The following DST variants were observed in gnomAD, a reference collection of about 807,000 sequenced individuals.
DST encodes the protein bullous pemphigoid antigen.
Under a neutral mutation model 875.2 loss-of-function variants are expected in DST, and 253 were observed. That is an observed-to-expected ratio of 0.29 (90% CI 0.26 to 0.32). The LOEUF (loss-of-function observed/expected upper bound fraction) is 0.32, where lower values mean the gene tolerates loss of function less well. DST is among the 10% of genes least tolerant of loss of function. The probability of loss-of-function intolerance (pLI) is 1.00; values close to 1 mark genes in which losing one functional copy is unlikely to be tolerated. For synonymous variants in DST, 3,124 were observed against 3,197.1 expected, an observed-to-expected ratio of 0.98 and a Z score of 0.77; for missense variants, 8,287 against 9,111.6, an observed-to-expected ratio of 0.91 and a Z score of 3.68.
At chr6:56,543,148 G>T (rs769781824) in intron 61 of DST, among the ~76,000 whole-genome samples, 1 of 152,228 alleles carries the variant, frequency 6.6e-6, no homozygotes, top group Non-Finnish European at 1.5e-5. Context: ...TTTTGTGAAG[G>T]TCCAGAGACC....
chr6:56,557,639 C>G (rs1023351267), intron 58 of DST, 121 bp from the exon 59 acceptor site: 9 of 764,164 alleles, frequency 1.2e-5, no homozygotes, highest in Non-Finnish European at 1.9e-5. Context: ...ATTTTTATGA[C>G]TCTTGTTACA....
At chr6:56,646,973 G>C (rs1466325346) in intron 13 of DST, among the ~76,000 whole-genome samples, 2 of 152,124 alleles carry the variant, frequency 1.3e-5, no homozygotes, top group Admixed American at 1.3e-4. Flanking sequence ...TCAAAGTTCT[G>C]CTAATGCAAT....
chr6:56,618,652 C>T, intron 36 of DST: 2 of 1,614,084 alleles, frequency 1.2e-6, no homozygotes, highest in Non-Finnish European at 1.7e-6. Context: ...TTTCACAAAG[C>T]TTAGCATTTT....
intron 4 of DST, among the ~76,000 whole-genome samples, chr6:56,847,654 T>TA (rs2099808605): frequency 6.6e-6 from 1 of 152,198 alleles, no homozygotes; most frequent in Admixed American, 6.5e-5. Flanking sequence ...TCAAGCTCTT[T>TA]AAATCTCAAT....
At chr6:56,774,433 C>T (rs892265706) in intron 4 of DST, among the ~76,000 whole-genome samples, 1 of 152,226 alleles carries the variant, frequency 6.6e-6, no homozygotes, top group Non-Finnish European at 1.5e-5. Context: ...ACTTCCCTGA[C>T]AGCCCATCAT....
In DST at chr6:56,616,403, G is replaced by C. The variant is rs766318484; in HGVS notation, c.4930-1919C>G. On this transcript the variant is annotated intron_variant, in intron 36 of 103. Transcript: ENST00000680361. ...TTTCTCAATCAGGTTTCTCTGGAAAGCCTCATACACGGTCAATTCTGATCC... is the reference window on the plus strand; with the variant it reads ...TTTCTCAATCAGGTTTCTCTGGAAACCCTCATACACGGTCAATTCTGATCC... 6 of 1,613,904 alleles carry C rather than the reference G, an allele frequency of 3.7e-6. No homozygotes were observed. The highest frequency in any genetic ancestry group is 1.6e-4 in the Middle Eastern group (1 of 6,062).
intron 5 of DST, among the ~76,000 whole-genome samples, chr6:56,728,903 T>C (rs902265790): frequency 2.0e-5 from 3 of 151,516 alleles, no homozygotes; most frequent in African/African-American, 7.3e-5. Context: ...AGGAAATACA[T>C]ACTGAAGTAT....
chr6:56,570,844 T>C (rs556052913), intron 53 of DST, among the ~76,000 whole-genome samples: 9 of 152,356 alleles, frequency 5.9e-5, no homozygotes, highest in Non-Finnish European at 1.0e-4. Context: ...CAATGAGCTT[T>C]GATCTGTCCC....
intron 47 of DST, among the ~76,000 whole-genome samples, chr6:56,596,873 G>A (rs777593122): frequency 2.6e-5 from 4 of 152,174 alleles, no homozygotes; most frequent in Non-Finnish European, 5.9e-5. Flanking sequence ...GAGTAAATTG[G>A]TAGAAGGGCT....
intron 36 of DST, chr6:56,616,405 C>T: frequency 6.2e-7 from 1 of 1,613,904 alleles, no homozygotes; most frequent in Non-Finnish European, 8.5e-7. Flanking sequence ...TCTGGAAAGC[C>T]TCATACACGG....
intron 5 of DST, among the ~76,000 whole-genome samples, chr6:56,730,977 A>G (rs929820653): frequency 6.6e-6 from 1 of 152,242 alleles, no homozygotes; most frequent in African/African-American, 2.4e-5. Context: ...GCTTTAAACA[A>G]ATGTAATTTT....
rs533603118 is a variant in DST at position 56,606,689 on chromosome 6, C to T, written c.7939G>A (p.Glu2647Lys). Residue 2647 changes from glutamate to lysine, a missense_variant, in exon 40 of 104, where the codon GAA becomes AAA. By Grantham distance (56) the Glu-to-Lys change is moderately conservative (BLOSUM62 1). Coordinates refer to ENST00000680361, the MANE Select transcript of DST (RefSeq NM_001374736.1). ...HPEDYDTLQE[E>K]NDETASPADV... ...GCAGGAGAAGCCGTCTCATCATTTT[C>T]CTCTTGCAGTGTGTCGTAGTCCTCA... 63 of 1,613,604 alleles carry T rather than the reference C, an allele frequency of 3.9e-5. No individual in the cohort carries two copies. Among genetic ancestry groups the T allele is most frequent in the South Asian group, 3.4e-4 (31 of 91,066 alleles).
chr6:56,514,230 T>C (rs945083710), intron 72 of DST, among the ~76,000 whole-genome samples: 6 of 152,186 alleles, frequency 3.9e-5, no homozygotes, highest in African/African-American at 1.4e-4. Flanking sequence ...CCATGAAACA[T>C]TTTTCATTTA....
At chr6:56,514,812 A>G (rs1440232675) in intron 72 of DST, among the ~76,000 whole-genome samples, 1 of 152,206 alleles carries the variant, frequency 6.6e-6, no homozygotes, top group Admixed American at 6.5e-5. Context: ...TGCTGAAAAG[A>G]GGGCTTTATG....
chr6:56,531,362 T>G (rs1218344384), intron 64 of DST, among the ~76,000 whole-genome samples: 1 of 152,156 alleles, frequency 6.6e-6, no homozygotes, highest in Non-Finnish European at 1.5e-5. Flanking sequence ...GATCTAGACA[T>G]TCACTCATTT....
chr6:56,781,820 T>C (rs7744374), intron 4 of DST, among the ~76,000 whole-genome samples: 1,862 of 152,260 alleles, frequency 0.012, 39 homozygotes, highest in African/African-American at 0.042. Context: ...AGGGAATGCT[T>C]CCAGTTTTTG....
At chr6:56,762,116 G>A (rs974816520) in intron 4 of DST, among the ~76,000 whole-genome samples, 1 of 152,068 alleles carries the variant, frequency 6.6e-6, no homozygotes, top group Non-Finnish European at 1.5e-5. Context: ...CACCTCCCGG[G>A]CTCAAGCAAT....
chr6:56,616,758 C>T (rs773329218), intron 36 of DST: 7 of 1,614,174 alleles, frequency 4.3e-6, no homozygotes, highest in Non-Finnish European at 5.9e-6. Flanking sequence ...TTTTGTCTGT[C>T]AAGCATTCTA....
At chr6:56,817,947 G>T (rs1409110320) in intron 4 of DST, among the ~76,000 whole-genome samples, 1 of 152,126 alleles carries the variant, frequency 6.6e-6, no homozygotes, top group Non-Finnish European at 1.5e-5. Flanking sequence ...TAATCAAAAG[G>T]GTTATCAAAA....
Sources: allele counts gnomAD v4.1 joint callset (sites outside exome capture counted in the v4.1 genomes callset), GRCh38; gene constraint gnomAD v4.1.1; transcripts MANE v1.5; gene names NCBI Gene and HGNC (gene_info 2026-07-23, HGNC 2026-07-21).